LRRC4C: variants seen among roughly 807,000 people sequenced by gnomAD.
LRRC4C encodes the protein leucine-rich repeat-containing protein 4C.
LRRC4C carries 5 observed loss-of-function variants against 33.6 expected under a neutral mutation model. The ratio of observed to expected loss-of-function variants is 0.15; its 90% confidence interval spans 0.08 to 0.31. LRRC4C has a LOEUF of 0.31. Among genes scored for constraint, LRRC4C ranks in the 10% least tolerant of loss-of-function variants. The probability of loss-of-function intolerance (pLI) is 1.00; values close to 1 mark genes in which losing one functional copy is unlikely to be tolerated. For synonymous variants in LRRC4C, 329 were observed against 302.0 expected (o/e 1.09, Z -0.93); for missense variants, 560 against 796.7 (o/e 0.70, Z 3.58).
intron 2 of LRRC4C, among the ~76,000 whole-genome samples, chr11:40,930,789 A>G (rs1358233056): frequency 2.0e-5 from 3 of 152,224 alleles, no homozygotes; most frequent in Non-Finnish European, 4.4e-5. Flanking sequence ...AAGTCTAAAA[A>G]TGGGTTACAT....
intron 3 of LRRC4C, among the ~76,000 whole-genome samples, chr11:40,503,726 A>G (rs1175857225): frequency 6.6e-6 from 1 of 152,182 alleles, no homozygotes; most frequent in Admixed American, 6.5e-5. Context: ...TTCTTTCAAG[A>G]GTTAGGCTCA....
intron 3 of LRRC4C, among the ~76,000 whole-genome samples, chr11:40,500,852 T>C (rs180821036): frequency 1.1e-4 from 17 of 152,208 alleles, no homozygotes; most frequent in African/African-American, 3.9e-4. Flanking sequence ...AAAGTCTTAA[T>C]TCACCTCAGC....
intron 2 of LRRC4C, among the ~76,000 whole-genome samples, chr11:40,910,525 T>A (rs1362643228): frequency 6.6e-6 from 1 of 152,162 alleles, no homozygotes; most frequent in Non-Finnish European, 1.5e-5. Context: ...AAGTCTATGT[T>A]TTAGTAAGCC....
At chr11:41,286,776 G>A (rs1039797596) in intron 1 of LRRC4C, among the ~76,000 whole-genome samples, 15 of 152,174 alleles carry the variant, frequency 9.9e-5, no homozygotes, top group African/African-American at 3.6e-4. Context: ...AGGAGGGGGA[G>A]GAGAGGGAGG....
At chr11:40,967,521 A>G (rs889059066) in intron 1 of LRRC4C, among the ~76,000 whole-genome samples, 1 of 151,968 alleles carries the variant, frequency 6.6e-6, no homozygotes, top group African/African-American at 2.4e-5. Flanking sequence ...TTTTTCCAAG[A>G]TTATGTGCTC....
Position 41,226,258 on chromosome 11 carries a change from C to T in LRRC4C, c.-496+233173G>A, listed in dbSNP as rs991812315. Among the ~76,000 whole-genome samples the T allele has an allele frequency of 3.9e-5, 6 of 152,102 alleles. No homozygotes were observed. In the South Asian group the frequency reaches 8.3e-4, roughly 21 times the overall value. ...GTGATTTGAAGTACCAAACAATGAT[C>T]GTTCATAGAAAAAATCTCTTCTTTA... On this transcript the variant is annotated intron_variant, in intron 1 of 6. Coordinates refer to ENST00000528697, the MANE Select transcript of LRRC4C (RefSeq NM_001258419.2).
intron 2 of LRRC4C, among the ~76,000 whole-genome samples, chr11:40,711,913 C>G (rs990320316): frequency 5.9e-5 from 9 of 152,126 alleles, no homozygotes; most frequent in Non-Finnish European, 1.2e-4. Context: ...TTTGCATTTC[C>G]TTTCTCCTGG....
intron 2 of LRRC4C, among the ~76,000 whole-genome samples, chr11:40,800,678 A>C (rs1951005229): frequency 6.6e-6 from 1 of 152,162 alleles, no homozygotes; most frequent in African/African-American, 2.4e-5. Context: ...CTCCAAGTTC[A>C]CTGTTCTTGC....
chr11:40,470,866 C>G (rs2138286977), intron 3 of LRRC4C, among the ~76,000 whole-genome samples: 1 of 152,124 alleles, frequency 6.6e-6, no homozygotes, highest in Non-Finnish European at 1.5e-5. Flanking sequence ...ACAAAGCCTC[C>G]AAGAAGTATG....
At chr11:41,149,410 G>A (rs1229898799) in intron 1 of LRRC4C, among the ~76,000 whole-genome samples, 1 of 151,562 alleles carries the variant, frequency 6.6e-6, no homozygotes, top group Non-Finnish European at 1.5e-5. Context: ...GGGAGGCTGA[G>A]GCAGGAGAAT....
intron 2 of LRRC4C, among the ~76,000 whole-genome samples, chr11:40,851,932 C>G (rs965322461): frequency 6.6e-6 from 1 of 152,100 alleles, no homozygotes; most frequent in Middle Eastern, 3.2e-3. Context: ...TTTCTGTTCC[C>G]TGCTATTGCA....
rs1032728131 is a variant in LRRC4C, at chr11:40,739,344, A to G, written c.-406-91066T>C. Among the ~76,000 whole-genome samples the G allele has an allele frequency of 4.6e-5, 7 of 151,926 alleles. No homozygotes were observed. In the East Asian group the frequency reaches 1.2e-3, roughly 25 times the overall value. On this transcript the variant is annotated intron_variant, in intron 2 of 6. Transcript: ENST00000528697. ...CTGTGCCAGGCTTACTTCACTTGGC[A>G]TAATGTCCTTCAGATTCATCCACAT...
intron 3 of LRRC4C, among the ~76,000 whole-genome samples, chr11:40,441,987 C>A (rs1283897089): frequency 6.6e-6 from 1 of 151,724 alleles, no homozygotes; most frequent in African/African-American, 2.4e-5. Context: ...ACGGTGAAAC[C>A]CCATCTCTAC....
intron 5 of LRRC4C, among the ~76,000 whole-genome samples, chr11:40,197,317 C>A (rs1471754971): frequency 2.6e-5 from 4 of 152,172 alleles, no homozygotes; most frequent in Non-Finnish European, 5.9e-5. Context: ...ATTAATCAGA[C>A]CGGCACTCAC....
intron 1 of LRRC4C, among the ~76,000 whole-genome samples, chr11:41,288,012 A>T (rs1040576613): frequency 1.1e-4 from 17 of 152,192 alleles, no homozygotes; most frequent in African/African-American, 4.1e-4. Flanking sequence ...GACATATCCT[A>T]GGCACATTAA....
intron 3 of LRRC4C, among the ~76,000 whole-genome samples, chr11:40,441,439 C>A (rs772545509): frequency 2.6e-5 from 4 of 152,130 alleles, no homozygotes; most frequent in African/African-American, 9.7e-5. Flanking sequence ...ACTAAGTGTG[C>A]CTGAAGGTAT....
At position 40,246,935 on chromosome 11, in the gene LRRC4C, C is replaced by T. The variant is rs1164459727; in HGVS notation, c.-175-5337G>A. Among the ~76,000 whole-genome samples the T allele has an allele frequency of 1.3e-4, 20 of 152,140 alleles. 1 individual carries two copies. The highest frequency in any genetic ancestry group is 4.1e-4 in the South Asian group (2 of 4,828). On this transcript the variant is annotated intron_variant, in intron 4 of 6. Transcript: ENST00000528697. Reference sequence around the variant, plus strand: ...AGAAATCTAAGCACGTTCAAACACACCAACAAAGAGAAATAATACCAACTG... The same window carrying T: ...AGAAATCTAAGCACGTTCAAACACATCAACAAAGAGAAATAATACCAACTG...
chr11:41,202,494 A>G (rs1186522723), intron 1 of LRRC4C, among the ~76,000 whole-genome samples: 3 of 152,180 alleles, frequency 2.0e-5, no homozygotes, highest in South Asian at 4.1e-4. Context: ...CTAGCACTAA[A>G]TCACTTTACA....
chr11:40,218,690 A>ATC (rs1864170661), intron 5 of LRRC4C, among the ~76,000 whole-genome samples: 2 of 108,154 alleles, frequency 1.8e-5, no homozygotes, highest in South Asian at 3.1e-4. Flanking sequence ...AGAATGATAA[A>ATC]GAATCTATCT....
Sources: allele counts gnomAD v4.1 joint callset (sites outside exome capture counted in the v4.1 genomes callset), GRCh38; gene constraint gnomAD v4.1.1; transcripts MANE v1.5; gene names NCBI Gene and HGNC (gene_info 2026-07-23, HGNC 2026-07-21).